The following TENT4B variants were observed in gnomAD, a reference collection of about 807,000 sequenced individuals.
TENT4B encodes PAP associated domain containing 5.
TENT4B carries 10 observed loss-of-function variants against 75.0 expected under a neutral mutation model. The observed-to-expected ratio is 0.13, with a 90% CI of 0.08 to 0.23. The LOEUF (loss-of-function observed/expected upper bound fraction) is 0.23, where lower values mean the gene tolerates loss of function less well. TENT4B is among the 10% of genes least tolerant of loss of function. TENT4B has a pLI of 1.00. For missense variants in TENT4B, 579 were observed against 893.8 expected (o/e 0.65, Z 4.49); for synonymous variants, 350 against 357.7 (o/e 0.98, Z 0.24).
At chr16:50,215,726 A>G (rs1005741179) in intron 3 of TENT4B, among the ~76,000 whole-genome samples, 6 of 152,210 alleles carry the variant, frequency 3.9e-5, no homozygotes, top group Non-Finnish European at 8.8e-5. Flanking sequence ...CTGAGTTGCA[A>G]TTAATCTCAT....
upstream of TENT4B, among the ~76,000 whole-genome samples, chr16:50,153,187 G>GA (rs2037798373): frequency 8.8e-6 from 1 of 113,004 alleles, no homozygotes; most frequent in Non-Finnish European, 2.0e-5. Flanking sequence ...GGGCGGTGGG[G>GA]GGGGGGGGCG....
At chr16:50,213,950 G>T (rs1490866734) in intron 2 of TENT4B, among the ~76,000 whole-genome samples, 2 of 152,136 alleles carry the variant, frequency 1.3e-5, no homozygotes, top group African/African-American at 4.8e-5. Context: ...GGTGGGACTG[G>T]AACCAATCTC....
At chr16:50,209,695 T>C (rs2031177752) in intron 1 of TENT4B, among the ~76,000 whole-genome samples, 1 of 152,178 alleles carries the variant, frequency 6.6e-6, no homozygotes, top group Non-Finnish European at 1.5e-5. Context: ...CCTGACACAC[T>C]GAAGCCTGAG....
intron 6 of TENT4B, 118 bp downstream of exon 6, chr16:50,222,552 C>G: frequency 1.9e-6 from 2 of 1,047,898 alleles, no homozygotes; most frequent in South Asian, 3.2e-5. Flanking sequence ...TCCTTGATTA[C>G]TTAACGGCTT....
At chr16:50,181,170 T>C (rs2038407750) in intron 1 of TENT4B, among the ~76,000 whole-genome samples, 1 of 152,230 alleles carries the variant, frequency 6.6e-6, no homozygotes, top group African/African-American at 2.4e-5. Flanking sequence ...TGGGTTTTTC[T>C]TTGTTTTTAA....
At chr16:50,222,770 T>C (rs932380211) in intron 6 of TENT4B, among the ~76,000 whole-genome samples, 1 of 152,190 alleles carries the variant, frequency 6.6e-6, no homozygotes, top group East Asian at 1.9e-4. Flanking sequence ...AGCAGCTAAA[T>C]CTTGTAAGTT....
At chr16:50,184,423 CTT>C (rs980233129) in intron 1 of TENT4B, among the ~76,000 whole-genome samples, 1 of 152,046 alleles carries the variant, frequency 6.6e-6, no homozygotes, top group Non-Finnish European at 1.5e-5. Context: ...AATCCCAGCA[CTT>C]TGGGAGGCTG....
intron 5 of TENT4B, among the ~76,000 whole-genome samples, chr16:50,221,498 G>A (rs1479499756): frequency 6.6e-6 from 1 of 152,148 alleles, no homozygotes; most frequent in Non-Finnish European, 1.5e-5. Flanking sequence ...TGGTCTGTGT[G>A]TAGTCATCAG....
At chr16:50,175,234 A>G (rs1176134611) in intron 1 of TENT4B, among the ~76,000 whole-genome samples, 1 of 152,086 alleles carries the variant, frequency 6.6e-6, no homozygotes, top group African/African-American at 2.4e-5. Flanking sequence ...CGAGTCCGTG[A>G]CTTATCTTTT....
At chr16:50,163,947 CG>C (rs200165519) in intron 1 of TENT4B, among the ~76,000 whole-genome samples, 5,750 of 151,638 alleles carry the variant, frequency 0.038, 146 homozygotes, top group Non-Finnish European at 0.06. Context: ...CACCTGAGGT[CG>C]GGAGTTCGAG....
chr16:50,215,360 G>A (rs1209675748), intron 3 of TENT4B, among the ~76,000 whole-genome samples: 1 of 152,134 alleles, frequency 6.6e-6, no homozygotes, highest in East Asian at 1.9e-4. Context: ...TCTCATAGAT[G>A]CCCTTGGCCT....
chr16:50,233,152 AT>A lies in TENT4B; in HGVS notation c.*3828del. On this transcript the variant is annotated 3_prime_UTR_variant, in exon 12 of 12. Transcript: ENST00000561678. ...TATTTAGTAGTTACTGTTGATAGTA[AT>A]TTTCATCAGGGTCATAGTTCATCTA... The A allele has an allele frequency of 2.0e-6, 2 of 984,160 alleles. No individual in the cohort carries two copies. Among genetic ancestry groups the A allele is most frequent in the African/African-American group, 1.7e-5 (1 of 57,316 alleles). The allele number at this position is 984,160 out of a possible 1,614,324, so 61.0% of individuals were successfully genotyped here.
chr16:50,208,612 C>T (rs1395952599), intron 1 of TENT4B, among the ~76,000 whole-genome samples: 2 of 152,200 alleles, frequency 1.3e-5, no homozygotes, highest in Non-Finnish European at 1.5e-5. Context: ...TACAAAACTG[C>T]TTTAAATAAG....
chr16:50,199,450 T>C (rs1014332224), intron 1 of TENT4B, among the ~76,000 whole-genome samples: 1 of 152,218 alleles, frequency 6.6e-6, no homozygotes, highest in Non-Finnish European at 1.5e-5. Flanking sequence ...TACTCAGTCA[T>C]TGAGAAAAGG....
Position 50,232,791 on chromosome 16 carries a change from G to C in TENT4B, c.*3463G>C, listed in dbSNP as rs1220133247. The stretch of plus-strand genomic sequence containing the variant: ...TTTTATTGGTCATGACTACATCTCA[G>C]TTTTACTTTAATATTGATCTATAGT... On this transcript the variant is annotated 3_prime_UTR_variant, in exon 12 of 12. Transcript: ENST00000561678. The C allele has an allele frequency of 1.0e-6, 1 of 985,104 alleles. No individual in the cohort carries two copies. The highest frequency in any genetic ancestry group is 6.2e-5 in the Admixed American group (1 of 16,250). The allele number at this position is 985,104 out of a possible 1,614,324, so 61.0% of individuals were successfully genotyped here.
chr16:50,196,375 G>C (rs1017868570), intron 1 of TENT4B, among the ~76,000 whole-genome samples: 1 of 152,060 alleles, frequency 6.6e-6, no homozygotes, highest in African/African-American at 2.4e-5. Context: ...TATTATAGTA[G>C]TGGGCTTTTG....
intron 3 of TENT4B, 107 bp downstream of exon 3, chr16:50,214,374 G>A: frequency 1.2e-6 from 1 of 846,620 alleles, no homozygotes; most frequent in Non-Finnish European, 1.8e-6. Context: ...AACAAAATGG[G>A]GCTGGGCATG....
chr16:50,218,476 C>T (rs541928266), intron 5 of TENT4B, among the ~76,000 whole-genome samples: 36 of 152,016 alleles, frequency 2.4e-4, no homozygotes, highest in African/African-American at 8.2e-4. Flanking sequence ...ACCTGGGACT[C>T]GTGCCTGGGA....
chr16:50,193,222 C>G (rs1416335057), intron 1 of TENT4B, among the ~76,000 whole-genome samples: 1 of 150,834 alleles, frequency 6.6e-6, no homozygotes. Context: ...TACTTGCATT[C>G]TTTTAGAAAT....
Sources: gnomAD v4.1 joint callset for allele counts (sites outside exome capture counted in the v4.1 genomes callset) on GRCh38, gnomAD v4.1.1 for gene constraint, MANE v1.5 for transcripts, NCBI Gene and HGNC (gene_info 2026-07-23, HGNC 2026-07-21) for gene names.